FAM149A: variants seen among roughly 807,000 people sequenced by gnomAD.
FAM149A encodes the protein protein FAM149A.
Under a neutral mutation model 78.2 loss-of-function variants are expected in FAM149A, and 71 were observed. That is an observed-to-expected ratio of 0.91 (90% confidence interval 0.75 to 1.11). FAM149A has a LOEUF of 1.11. Among genes scored for constraint, FAM149A ranks in the 50% least tolerant of loss-of-function variants. The pLI is 0.00. For missense variants in FAM149A, 1,036 were observed against 971.0 expected (o/e 1.07, Z -0.89); for synonymous variants, 446 against 410.5 (o/e 1.09, Z -1.04).
chr4:186,113,999 A>G (rs2099312430), intron 1 of FAM149A, among the ~76,000 whole-genome samples: 1 of 146,716 alleles, frequency 6.8e-6, no homozygotes. Context: ...TGGGGTGTTA[A>G]AGTCTCCCAT....
intron 8 of FAM149A, 35 bp from the exon 9 acceptor site, chr4:186,162,810 C>CTTTTTTTTTTTT (rs56973296): frequency 1.9e-4 from 105 of 563,102 alleles, no homozygotes; most frequent in South Asian, 4.3e-4. Context: ...ATTTGTAATT[C>CTTTTTTTTTTTT]TTTTTTTTTT....
intron 1 of FAM149A, chr4:186,116,919 G>A (rs756117740): frequency 2.5e-5 from 5 of 201,004 alleles, no homozygotes; most frequent in Admixed American, 6.5e-5. Flanking sequence ...AACAGCTCAT[G>A]TAAATTAGTA....
At chr4:186,169,859 C>T (rs10013195) in intron 13 of FAM149A, 31,228 of 985,376 alleles carry the variant, frequency 0.032, 1,253 homozygotes, top group African/African-American at 0.18. Context: ...TAACTACTGA[C>T]CCAAGACAAA....
chr4:186,166,649 TA>T lies in FAM149A; in HGVS notation c.2011-296del, dbSNP rs76402174. Among the ~76,000 whole-genome samples, 572 of 105,020 alleles carry T rather than the reference TA, an allele frequency of 5.4e-3. 4 individuals carry two copies. The highest frequency in any genetic ancestry group is 0.016 in the African/African-American group (469 of 29,646). The allele number at this position is 105,020 out of a possible 152,430, so 68.9% of individuals were successfully genotyped here. A position where few individuals can be genotyped will look rare whatever the true frequency, so the allele number is the denominator to read the frequency against. On this transcript the variant is annotated intron_variant, in intron 11 of 13. Transcript: ENST00000389354. ...CTGGGTGACAGAGCGAGACTCTGTTTAAAAAAAAAAAAAAAAAAAAAAAGGC... is the reference window on the plus strand; with the variant it reads ...CTGGGTGACAGAGCGAGACTCTGTTTAAAAAAAAAAAAAAAAAAAAAAGGC...
chr4:186,135,237 C>G (rs138111155), intron 1 of FAM149A, among the ~76,000 whole-genome samples: 1 of 152,188 alleles, frequency 6.6e-6, no homozygotes, highest in Admixed American at 6.5e-5. Context: ...TCTACTCTCA[C>G]GTTTTTTACT....
rs1023500095 is a variant in FAM149A, at chr4:186,169,317, C to T, written c.2218+2055C>T. 5 of 985,280 alleles carry T rather than the reference C, an allele frequency of 5.1e-6. No homozygotes were observed. In the African/African-American group the frequency reaches 8.7e-5, roughly 17 times the overall value. 61.0% of individuals were successfully genotyped at this position (985,280 alleles called of 1,614,324 possible). On this transcript the variant is annotated intron_variant, in intron 13 of 13. Transcript: ENST00000389354. ...CACCAAGGACAACACAGCCAAGGCCCCTGATCTCACGACGTAGAGAGAACG... is the reference window on the plus strand; with the variant it reads ...CACCAAGGACAACACAGCCAAGGCCTCTGATCTCACGACGTAGAGAGAACG...
intron 3 of FAM149A, among the ~76,000 whole-genome samples, chr4:186,150,549 A>G (rs1579879813): frequency 8.2e-6 from 1 of 122,354 alleles, no homozygotes; most frequent in Admixed American, 8.9e-5. Flanking sequence ...CCTCCCGAGT[A>G]GCTGGGACCA....
chr4:186,138,355 T>A (rs1350314554), intron 1 of FAM149A, among the ~76,000 whole-genome samples: 1 of 152,130 alleles, frequency 6.6e-6, no homozygotes, highest in African/African-American at 2.4e-5. Flanking sequence ...GGTGACAGAT[T>A]ATTTTGGGGG....
At chr4:186,123,822 T>C (rs2150094182) in intron 1 of FAM149A, 1 of 983,970 alleles carries the variant, frequency 1.0e-6, no homozygotes, top group East Asian at 1.1e-4. Context: ...CCCTTCACGG[T>C]CCTTGATAGC....
intron 1 of FAM149A, among the ~76,000 whole-genome samples, chr4:186,141,188 G>A (rs1439477025): frequency 6.6e-6 from 1 of 152,082 alleles, no homozygotes; most frequent in Non-Finnish European, 1.5e-5. Context: ...TTGTTTATGG[G>A]TTGTTTTTTT....
chr4:186,122,298 A>G (rs2099316410), intron 1 of FAM149A, among the ~76,000 whole-genome samples: 1 of 152,344 alleles, frequency 6.6e-6, no homozygotes, highest in Middle Eastern at 3.4e-3. Flanking sequence ...AAAGACATGT[A>G]AGAACAATTT....
chr4:186,105,140 C>T lies in FAM149A; in HGVS notation c.64C>T (p.Pro22Ser), dbSNP rs750436443. 6 of 1,279,956 alleles carry T rather than the reference C, an allele frequency of 4.7e-6. No homozygotes were observed. The highest frequency in any genetic ancestry group is 6.1e-6 in the Non-Finnish European group (6 of 984,838). 79.3% of individuals were successfully genotyped at this position (1,279,956 alleles called of 1,614,324 possible). The change falls in exon 1 of 14, where the codon CCC (proline) becomes TCC (serine). Residue 22 changes from proline to serine, a missense_variant. Physicochemically the swap from Pro to Ser is moderately conservative, Grantham distance 74 (BLOSUM62 -1). Coordinates refer to ENST00000389354, the MANE Select transcript of FAM149A (RefSeq NM_001367768.3). ...CAAACTCTTCGAGACCTCGACGGCG[C>T]CCCCCGCAGGCCCCTCCTCCAGACC...
At chr4:186,142,914 G>C (rs2099326447) in intron 1 of FAM149A, among the ~76,000 whole-genome samples, 1 of 152,236 alleles carries the variant, frequency 6.6e-6, no homozygotes. Context: ...GGGGTGGTTT[G>C]TTATGGGGTA....
At chr4:186,135,510 C>G (rs1377861964) in intron 1 of FAM149A, among the ~76,000 whole-genome samples, 1 of 152,156 alleles carries the variant, frequency 6.6e-6, no homozygotes, top group Non-Finnish European at 1.5e-5. Flanking sequence ...TGTGAGTCTC[C>G]AGTCTCAACA....
In FAM149A at chr4:186,164,598, A is replaced by G. The variant is rs1355359847; in HGVS notation, c.1890-746A>G. 4 of 567,702 alleles carry G rather than the reference A, an allele frequency of 7.0e-6. No individual in the cohort carries two copies. Among genetic ancestry groups the G allele is most frequent in the Non-Finnish European group, 8.9e-6 (4 of 448,078 alleles). The allele number at this position is 567,702 out of a possible 1,614,324, so 35.2% of individuals were successfully genotyped here. ...TGGGTCTGCTGTGCTGATTCCTTCGAGATCCCTCTCCCTCCTCCGCCTCGC... is the reference window on the plus strand; with the variant it reads ...TGGGTCTGCTGTGCTGATTCCTTCGGGATCCCTCTCCCTCCTCCGCCTCGC... On this transcript the variant is annotated intron_variant, in intron 10 of 13. Coordinates refer to ENST00000389354, the MANE Select transcript of FAM149A (RefSeq NM_001367768.3). The surrounding 1 kb of genome is among the most constrained non-coding windows in gnomAD (Gnocchi z 4.0).
At chr4:186,152,973 C>G (rs1187720357) in intron 4 of FAM149A, among the ~76,000 whole-genome samples, 1 of 151,954 alleles carries the variant, frequency 6.6e-6, no homozygotes, top group African/African-American at 2.4e-5. Context: ...GCTGGATTTC[C>G]TGGTTACATT....
Position 186,149,473 on chromosome 4 carries a change from A to C in FAM149A, c.678-120A>C. On this transcript the variant is annotated intron_variant, in intron 2 of 13. Transcript: ENST00000389354. ...GAAATTAATAAATATATTTAATGAA[A>C]GAAAGAGGAAGCAGGCTCAGAAAAG... The C allele has an allele frequency of 3.3e-6, 4 of 1,195,244 alleles. No individual in the cohort carries two copies. In the Middle Eastern group the frequency reaches 9.2e-4, roughly 274 times the overall value. The allele number at this position is 1,195,244 out of a possible 1,614,324, so 74.0% of individuals were successfully genotyped here.
In FAM149A at chr4:186,162,940, C is replaced by T. The variant is rs1734728629; in HGVS notation, c.1671C>T (p.Asp557=). ...AGCGGAGACCTGCCTATTTTGCTGA[C>T]AGAACGCAGTACGTATCAGAATCAG... Residue 557 remains aspartate, a synonymous_variant, in exon 9 of 14, where the codon GAC becomes GAT. Coordinates refer to ENST00000389354, the MANE Select transcript of FAM149A (RefSeq NM_001367768.3). 2 of 1,592,346 alleles carry T rather than the reference C, an allele frequency of 1.3e-6. No individual in the cohort carries two copies. The highest frequency in any genetic ancestry group is 2.3e-5 in the East Asian group (1 of 44,298).
intron 1 of FAM149A, among the ~76,000 whole-genome samples, chr4:186,141,261 A>G (rs1328355547): frequency 6.6e-6 from 1 of 152,148 alleles, no homozygotes; most frequent in African/African-American, 2.4e-5. Context: ...TGGATGCATG[A>G]AATATGTTAT....
Sources: allele counts gnomAD v4.1 joint callset (sites outside exome capture counted in the v4.1 genomes callset), GRCh38; gene constraint gnomAD v4.1.1; non-coding constraint Gnocchi (gnomAD v3.1); transcripts MANE v1.5; gene names NCBI Gene and HGNC (gene_info 2026-07-23, HGNC 2026-07-21).